SLC1A1: variants seen among roughly 807,000 people sequenced by gnomAD.
SLC1A1 encodes solute carrier family 1 member 1.
Under a neutral mutation model 53.3 loss-of-function variants are expected in SLC1A1, and 43 were observed. The observed-to-expected ratio is 0.81, with a 90% CI of 0.63 to 1.04. The LOEUF is 1.04. SLC1A1 is among the 50% of genes least tolerant of loss of function. The probability of loss-of-function intolerance (pLI) is 0.00; values close to 1 mark genes in which losing one functional copy is unlikely to be tolerated. For synonymous variants in SLC1A1, 307 were observed against 243.2 expected (o/e 1.26, Z -2.44); for missense variants, 748 against 664.9 (o/e 1.12, Z -1.37).
intron 1 of SLC1A1, among the ~76,000 whole-genome samples, chr9:4,500,766 T>G (rs140938216): frequency 3.7e-4 from 56 of 152,280 alleles, no homozygotes; most frequent in African/African-American, 1.3e-3. Flanking sequence ...TTTCAGAAAT[T>G]TTACTACTTT....
chr9:4,509,561 T>TA (rs111727018), intron 1 of SLC1A1, among the ~76,000 whole-genome samples: 9,173 of 141,808 alleles, frequency 0.065, 346 homozygotes, highest in African/African-American at 0.11. Context: ...CGGGAGAAAA[T>TA]AAAAAAAAAA....
At chr9:4,546,561 C>G (rs971384382) in intron 2 of SLC1A1, among the ~76,000 whole-genome samples, 1 of 152,190 alleles carries the variant, frequency 6.6e-6, no homozygotes, top group East Asian at 1.9e-4. Context: ...CCACTACTCC[C>G]GATTGCCCAG....
chr9:4,513,422 G>A (rs1054247157), intron 1 of SLC1A1, among the ~76,000 whole-genome samples: 1 of 152,112 alleles, frequency 6.6e-6, no homozygotes, highest in Non-Finnish European at 1.5e-5. Flanking sequence ...ACCGAAGAGG[G>A]TATACTGATG....
intron 2 of SLC1A1, among the ~76,000 whole-genome samples, chr9:4,550,361 A>G (rs1817822771): frequency 6.6e-6 from 1 of 152,176 alleles, no homozygotes; most frequent in African/African-American, 2.4e-5. Context: ...CTTGACCTCA[A>G]CCATAGGATC....
At chr9:4,558,670 G>C (rs1818653079) in intron 2 of SLC1A1, among the ~76,000 whole-genome samples, 1 of 152,104 alleles carries the variant, frequency 6.6e-6, no homozygotes, top group Admixed American at 6.5e-5. Flanking sequence ...CATATGCTGG[G>C]AACAATTATC....
intron 1 of SLC1A1, among the ~76,000 whole-genome samples, chr9:4,492,458 G>T (rs1563988732): frequency 1.3e-5 from 2 of 150,048 alleles, no homozygotes; most frequent in African/African-American, 4.9e-5. Context: ...CTCCCGCCTG[G>T]GTGACAGAGC....
At chr9:4,495,448 A>G (rs181955903) in intron 1 of SLC1A1, among the ~76,000 whole-genome samples, 9 of 152,310 alleles carry the variant, frequency 5.9e-5, no homozygotes, top group African/African-American at 2.2e-4. Flanking sequence ...TACTGTATAG[A>G]GCATGTTAGA....
chr9:4,519,826 A>G (rs1342937006), intron 1 of SLC1A1, among the ~76,000 whole-genome samples: 3 of 152,218 alleles, frequency 2.0e-5, no homozygotes, highest in Non-Finnish European at 4.4e-5. Context: ...ATCTTCACCT[A>G]GATTGTAAAC....
intron 1 of SLC1A1, among the ~76,000 whole-genome samples, chr9:4,499,246 T>C (rs10814994): frequency 0.056 from 8,508 of 151,780 alleles, 784 homozygotes; most frequent in African/African-American, 0.19. Context: ...AGTTTCACCA[T>C]GTTGGCCAGG....
chr9:4,567,312 CA>C (rs1819581862), intron 5 of SLC1A1, among the ~76,000 whole-genome samples: 1 of 152,178 alleles, frequency 6.6e-6, no homozygotes, highest in African/African-American at 2.4e-5. Context: ...TTAATAAAAA[CA>C]AAAATGATTG....
rs997836283 is a variant in SLC1A1 at position 4,556,408 on chromosome 9, G to A, written c.233-5041G>A. 6.6e-6 allele frequency among the ~76,000 whole-genome samples: 1 copy of A among 152,122 alleles called. No homozygotes were observed. Among genetic ancestry groups the A allele is most frequent in the East Asian group, 1.9e-4 (1 of 5,186 alleles). On this transcript the variant is annotated intron_variant, in intron 2 of 11. Coordinates refer to ENST00000262352, the MANE Select transcript of SLC1A1 (RefSeq NM_004170.6). This position sits in a 1 kb window ranked among gnomAD's most constrained non-coding sequence, Gnocchi z 4.1. Reference sequence around the variant, plus strand: ...AATACTCACTGTTGATTTCTGTGCAGATGCCATCACACCTGCTTAGTTCAT... The same window carrying A: ...AATACTCACTGTTGATTTCTGTGCAAATGCCATCACACCTGCTTAGTTCAT...
intron 1 of SLC1A1, among the ~76,000 whole-genome samples, chr9:4,532,971 T>C (rs1816531966): frequency 6.6e-6 from 1 of 152,116 alleles, no homozygotes; most frequent in Non-Finnish European, 1.5e-5. Context: ...CTAAGCTTCA[T>C]AAGTGAAGGA....
At chr9:4,533,568 T>A (rs888826556) in intron 1 of SLC1A1, among the ~76,000 whole-genome samples, 9 of 152,028 alleles carry the variant, frequency 5.9e-5, no homozygotes, top group African/African-American at 1.9e-4. Context: ...ATAAAGCAAA[T>A]CCTTAGAGAC....
At chr9:4,553,356 C>T (rs1463634510) in intron 2 of SLC1A1, 1 of 144,638 alleles carries the variant, frequency 6.9e-6, no homozygotes, top group Non-Finnish European at 1.5e-5. Context: ...GGACACAGCC[C>T]ACCGCTTCTT....
At position 4,544,512 on chromosome 9, in the gene SLC1A1, A is replaced by G. The variant is rs368301010; in HGVS notation, c.92-55A>G. ...GGAGTATTTTTCCATAGACATAGAT[A>G]CAGGAGAACTCAATAATGTTCCTCT... On this transcript the variant is annotated intron_variant, in intron 1 of 11. Transcript: ENST00000262352. 5.9e-6 allele frequency: 9 copies of G among 1,521,024 alleles called. 1 individual carries two copies. The highest frequency in any genetic ancestry group is 5.5e-5 in the African/African-American group (4 of 73,078). 94.2% of individuals were successfully genotyped at this position (1,521,024 alleles called of 1,614,324 possible).
rs1489182322 is a variant in SLC1A1 at position 4,566,094 on chromosome 9, T to C, written c.483+5T>C. ...GTCCAGGCCTGTTTTCAGCAGGTAA[T>C]ATTAATTACTTGTGCCCTTAACTTG... On this transcript the variant is annotated splice_donor_5th_base_variant and intron_variant, in intron 5 of 11. Transcript: ENST00000262352. The C allele has an allele frequency of 6.2e-7, 1 of 1,610,098 alleles. No individual in the cohort carries two copies. Among genetic ancestry groups the C allele is most frequent in the Admixed American group, 1.7e-5 (1 of 60,012 alleles).
At chr9:4,496,644 C>G (rs956572328) in intron 1 of SLC1A1, among the ~76,000 whole-genome samples, 8 of 152,110 alleles carry the variant, frequency 5.3e-5, no homozygotes, top group Non-Finnish European at 1.2e-4. Context: ...TCTGTAATCC[C>G]AGCACTTTGG....
At chr9:4,524,165 T>G (rs1359118649) in intron 1 of SLC1A1, among the ~76,000 whole-genome samples, 1 of 152,244 alleles carries the variant, frequency 6.6e-6, no homozygotes, top group African/African-American at 2.4e-5. Flanking sequence ...AAGCAATGAT[T>G]GTTTTAATAT....
At chr9:4,568,604 C>G (rs551164457) in intron 6 of SLC1A1, among the ~76,000 whole-genome samples, 1 of 151,400 alleles carries the variant, frequency 6.6e-6, no homozygotes, top group African/African-American at 2.4e-5. Flanking sequence ...GCCTGTAGTC[C>G]CAGATACTTG....
Sources: gnomAD v4.1 joint callset for allele counts (sites outside exome capture counted in the v4.1 genomes callset) on GRCh38, gnomAD v4.1.1 for gene constraint, Gnocchi (gnomAD v3.1) non-coding constraint, MANE v1.5 for transcripts, NCBI Gene and HGNC (gene_info 2026-07-23, HGNC 2026-07-21) for gene names.